Variants in MCC observed in about 807,000 individuals in gnomAD.
The protein encoded by MCC is MCC regulator of Wnt signaling pathway.
A neutral mutation model predicts 116.2 loss-of-function variants in MCC; 90 were observed. The observed-to-expected ratio is 0.77, with a 90% CI of 0.65 to 0.92. The LOEUF is 0.92. Among genes scored for constraint, MCC ranks in the 40% least tolerant of loss-of-function variants. The pLI is 0.00. For missense variants in MCC, 1,516 were observed against 1,312.2 expected (o/e 1.16, Z -2.40); for synonymous variants, 578 against 510.5 (o/e 1.13, Z -1.78).
intron 3 of MCC, among the ~76,000 whole-genome samples, chr5:113,157,952 C>T (rs750957079): frequency 7.2e-5 from 11 of 152,208 alleles, no homozygotes; most frequent in Admixed American, 1.3e-4. Flanking sequence ...GACGTGAACA[C>T]AAGCACTGTG....
intron 1 of MCC, among the ~76,000 whole-genome samples, chr5:113,412,115 T>C (rs527353579): frequency 6.6e-6 from 1 of 152,358 alleles, no homozygotes; most frequent in South Asian, 2.1e-4. Context: ...GCCTCTGGTC[T>C]GTTCCATTGA....
intron 3 of MCC, among the ~76,000 whole-genome samples, chr5:113,200,119 A>G (rs1216759663): frequency 6.6e-6 from 1 of 152,184 alleles, no homozygotes; most frequent in East Asian, 1.9e-4. Context: ...TGGAAAGTGG[A>G]GGAAGACACG....
intron 3 of MCC, among the ~76,000 whole-genome samples, chr5:113,246,748 G>T (rs979355110): frequency 6.6e-6 from 1 of 152,192 alleles, no homozygotes; most frequent in East Asian, 1.9e-4. Context: ...TCTTCCTGAA[G>T]TTATGTGTTA....
chr5:113,191,730 G>C (rs1324788497), intron 3 of MCC, among the ~76,000 whole-genome samples: 16 of 152,194 alleles, frequency 1.1e-4, no homozygotes. Context: ...TTCTAGGACA[G>C]TTAAAATGAC....
Position 113,333,794 on chromosome 5 carries a change from T to TATATATGTATATATGTATATATGTAC in MCC, c.627+6699_627+6724dup, listed in dbSNP as rs1561527661. Among the ~76,000 whole-genome samples the TATATATGTATATATGTATATATGTAC allele has an allele frequency of 2.5e-3, 222 of 89,732 alleles. 20 individuals carry two copies. The highest frequency in any genetic ancestry group is 5.6e-3 in the Middle Eastern group (1 of 180). 58.9% of individuals were successfully genotyped at this position (89,732 alleles called of 152,430 possible). ...TGTCTTTGCTTCATATATATTTATATATATATGTATATATGTATATATGTA... is the reference window on the plus strand; with the variant it reads ...TGTCTTTGCTTCATATATATTTATATATATATGTATATATGTATATATGTACATATATGTATATATGTATATATGTA... On this transcript the variant is annotated intron_variant, in intron 3 of 18. Coordinates refer to ENST00000408903, the MANE Select transcript of MCC (RefSeq NM_001085377.2).
chr5:113,149,413 T>A (rs936405824), intron 4 of MCC, among the ~76,000 whole-genome samples: 9 of 152,126 alleles, frequency 5.9e-5, no homozygotes, highest in Non-Finnish European at 2.9e-5. Context: ...AAAATTTTTT[T>A]ATTTCAGTAT....
At position 113,385,217 on chromosome 5, in the gene MCC, A is replaced by G; in HGVS notation, c.171-5T>C. On this transcript the variant is annotated splice_region_variant and splice_polypyrimidine_tract_variant and intron_variant, in intron 1 of 18. Coordinates refer to ENST00000408903, the MANE Select transcript of MCC (RefSeq NM_001085377.2). The stretch of plus-strand genomic sequence containing the variant: ...CAGACCATTAGCAAGTCATTTCTGC[A>G]GAAGGGGTTGAACAGAAGAAAATGT... The G allele has an allele frequency of 6.2e-7, 1 of 1,613,450 alleles. No individual in the cohort carries two copies. Among genetic ancestry groups the G allele is most frequent in the South Asian group, 1.1e-5 (1 of 91,056 alleles).
chr5:113,113,242 T>C (rs1757202281), intron 6 of MCC, among the ~76,000 whole-genome samples: 4 of 152,220 alleles, frequency 2.6e-5, no homozygotes, highest in Admixed American at 2.0e-4. Context: ...AGGGATGTAA[T>C]AGTTCAGATC....
chr5:113,130,253 A>C lies in MCC; in HGVS notation c.885-7427T>G, dbSNP rs145747873. ...ATACAGGAACAGAAAACCAAGCACC[A>C]CATGTTCTCACTTATAAGTGGAAGT... On this transcript the variant is annotated intron_variant, in intron 5 of 18. Coordinates refer to ENST00000408903, the MANE Select transcript of MCC (RefSeq NM_001085377.2). Among the ~76,000 whole-genome samples, 444 of 152,192 alleles carry C rather than the reference A, an allele frequency of 2.9e-3. 2 individuals carry two copies. The highest frequency in any genetic ancestry group is 0.01 in the African/African-American group (425 of 41,530).
intron 3 of MCC, among the ~76,000 whole-genome samples, chr5:113,261,516 C>G (rs1765217952): frequency 6.6e-6 from 1 of 152,066 alleles, no homozygotes; most frequent in Admixed American, 6.6e-5. Context: ...AAACCAAACC[C>G]AAAACTCGTA....
chr5:113,151,470 TTTCC>T (rs778320932), intron 3 of MCC, 48 bp from the exon 4 acceptor site: 1 of 1,031,036 alleles, frequency 9.7e-7, no homozygotes, highest in Non-Finnish European at 1.5e-6. Context: ...CAGAGATGTA[TTTCC>T]TTCCCTTCAT....
At chr5:113,367,778 C>CATA (rs1425997149) in intron 2 of MCC, among the ~76,000 whole-genome samples, 2 of 151,970 alleles carry the variant, frequency 1.3e-5, no homozygotes, top group Non-Finnish European at 2.9e-5. Context: ...AGGGGTAGGG[C>CATA]ATATAGGTCA....
chr5:113,056,586 G>C (rs1752849230), intron 14 of MCC, among the ~76,000 whole-genome samples: 1 of 152,190 alleles, frequency 6.6e-6, no homozygotes, highest in Non-Finnish European at 1.5e-5. Context: ...GTACAGAATA[G>C]CAGAAGGGAG....
At chr5:113,114,811 C>T (rs1013455788) in intron 6 of MCC, among the ~76,000 whole-genome samples, 2 of 152,184 alleles carry the variant, frequency 1.3e-5, no homozygotes, top group Admixed American at 1.3e-4. Flanking sequence ...GCTCCCCTTC[C>T]TGCTGAGAGC....
At chr5:113,138,468 C>A (rs1254312653) in intron 5 of MCC, among the ~76,000 whole-genome samples, 1 of 152,192 alleles carries the variant, frequency 6.6e-6, no homozygotes, top group East Asian at 1.9e-4. Flanking sequence ...GAGCTTGCTT[C>A]CTCTTTCTCT....
Position 113,122,723 on chromosome 5 carries a change from T to C in MCC, c.988A>G (p.Ile330Val), listed in dbSNP as rs1757806858. The C allele has an allele frequency of 3.7e-6, 6 of 1,614,066 alleles. No homozygotes were observed. Among genetic ancestry groups the C allele is most frequent in the Admixed American group, 1.7e-5 (1 of 60,012 alleles). Residue 330 changes from isoleucine to valine, a missense_variant, in exon 6 of 19, where the codon ATC becomes GTC. By Grantham distance (29) the Ile-to-Val change is conservative. Transcript: ENST00000408903. ...SMDQDQTSVS[I>V]PENQSTMVTA... ...ACCATGGTAGACTGGTTTTCGGGGATAGAGACAGAGGTCTGGTCTTGGTCC... is the reference window on the plus strand; with the variant it reads ...ACCATGGTAGACTGGTTTTCGGGGACAGAGACAGAGGTCTGGTCTTGGTCC...
Position 113,122,695 on chromosome 5 carries a change from G to T in MCC, c.1016C>A (p.Thr339Asn). Reference sequence around the variant, plus strand: ...GCAGGCAGACTCACCCATGTCAGCAGTAACCATGGTAGACTGGTTTTCGGG... The same window carrying T: ...GCAGGCAGACTCACCCATGTCAGCATTAACCATGGTAGACTGGTTTTCGGG... The part of the protein sequence containing the change: ...SIPENQSTMV[T>N]ADMDNCSDLN... The change falls in exon 6 of 19, where the codon ACT (threonine) becomes AAT (asparagine). Residue 339 changes from threonine (T) to asparagine (N), a missense_variant. Transcript: ENST00000408903. 6.2e-7 allele frequency: 1 copy of T among 1,614,152 alleles called. No homozygotes were observed. The highest frequency in any genetic ancestry group is 8.5e-7 in the Non-Finnish European group (1 of 1,180,004).
chr5:113,239,162 C>A (rs1194624067), intron 3 of MCC, among the ~76,000 whole-genome samples: 2 of 152,108 alleles, frequency 1.3e-5, no homozygotes, highest in Non-Finnish European at 2.9e-5. Flanking sequence ...TTTATTTAAA[C>A]AGAGAAGTTT....
At chr5:113,098,761 AT>A (rs1418240054) in intron 8 of MCC, among the ~76,000 whole-genome samples, 4 of 152,194 alleles carry the variant, frequency 2.6e-5, no homozygotes, top group African/African-American at 9.7e-5. Flanking sequence ...AATCCTATTG[AT>A]CTGGTCGGTT....
Sources: allele counts gnomAD v4.1 joint callset (sites outside exome capture counted in the v4.1 genomes callset), GRCh38; gene constraint gnomAD v4.1.1; transcripts MANE v1.5; gene names NCBI Gene and HGNC (gene_info 2026-07-23, HGNC 2026-07-21).